Variants in TRIP12 observed in about 807,000 individuals in gnomAD.
The protein encoded by TRIP12 is thyroid hormone receptor interactor 12, also known as E3 ubiquitin-protein ligase TRIP12.
TRIP12 carries 25 observed loss-of-function variants against 244.2 expected under a neutral mutation model. The observed-to-expected ratio is 0.10, with a 90% CI of 0.07 to 0.14. The LOEUF is 0.14. Ranked by LOEUF, TRIP12 falls within the 10% of genes least tolerant of loss-of-function variation. The pLI is 1.00. For missense variants in TRIP12, 1,677 were observed against 2,486.4 expected, an observed-to-expected ratio of 0.67 and a Z score of 6.92; for synonymous variants, 905 against 873.1, an observed-to-expected ratio of 1.04 and a Z score of -0.64.
intron 34 of TRIP12, 128 bp from the exon 35 acceptor site, chr2:229,779,118 T>C (rs2037237155): frequency 1.4e-6 from 1 of 730,262 alleles, no homozygotes; most frequent in Admixed American, 2.7e-5. Context: ...TTTTCCAAAA[T>C]GTCCTGGCTG....
At position 229,796,764 on chromosome 2, in the gene TRIP12, A is replaced by G. The variant is rs1180835627; in HGVS notation, c.3643T>C (p.Cys1215Arg). Reference protein sequence around the residue: ...LNLQVDGGAECLVEIRSIVSE... With the variant: ...LNLQVDGGAERLVEIRSIVSE... ...ACTATGCTACGGATTTCTACAAGGC[A>G]CTCAGCTCCACCATCCACCTGAAAG... The change falls in exon 25 of 42, where the codon TGC becomes CGC. Residue 1215 changes from cysteine to arginine, a missense_variant. By Grantham distance (180) the Cys-to-Arg change is radical. Around this residue, in one of 11 missense-constraint regions of TRIP12, gnomAD observed 572 missense variants for 867.8 expected, o/e 0.66. Transcript: ENST00000675903. 6.3e-7 allele frequency: 1 copy of G among 1,586,154 alleles called. No individual in the cohort carries two copies. Among genetic ancestry groups the G allele is most frequent in the Admixed American group, 1.9e-5 (1 of 52,482 alleles).
intron 1 of TRIP12, among the ~76,000 whole-genome samples, chr2:229,885,257 G>T (rs890938049): frequency 5.3e-5 from 8 of 152,114 alleles, no homozygotes; most frequent in African/African-American, 1.9e-4. Flanking sequence ...GACTTATTTA[G>T]ATTTGGTCCT....
chr2:229,873,958 A>C (rs1397769725), intron 2 of TRIP12, among the ~76,000 whole-genome samples: 1 of 152,104 alleles, frequency 6.6e-6, no homozygotes, highest in Non-Finnish European at 1.5e-5. Flanking sequence ...GGAAAAATTT[A>C]TTCTTAGCAT....
At chr2:229,786,015 T>C (rs1446041141) in intron 33 of TRIP12, among the ~76,000 whole-genome samples, 160 bp from the exon 34 acceptor site, 2 of 152,228 alleles carry the variant, frequency 1.3e-5, no homozygotes, top group Non-Finnish European at 2.9e-5. Context: ...GGTAGCTGTA[T>C]TGCTACAAAT....
At chr2:229,860,919 G>A (rs773687145) in intron 2 of TRIP12, among the ~76,000 whole-genome samples, 1 of 152,112 alleles carries the variant, frequency 6.6e-6, no homozygotes, top group Non-Finnish European at 1.5e-5. Context: ...TGACTGTAAT[G>A]GCTTTAAAAG....
chr2:229,802,209 C>A (rs180807026), intron 21 of TRIP12, 43 bp downstream of exon 21: 1 of 1,518,408 alleles, frequency 6.6e-7, no homozygotes, highest in Admixed American at 1.9e-5. Flanking sequence ...CAAAGCAGCG[C>A]TAACAGCAAA....
intron 1 of TRIP12, among the ~76,000 whole-genome samples, chr2:229,907,087 C>G (rs1445277686): frequency 6.6e-6 from 1 of 152,130 alleles, no homozygotes; most frequent in Non-Finnish European, 1.5e-5. Context: ...ATTAAATTTA[C>G]TCAAAACCTA....
chr2:229,827,195 G>A lies in TRIP12; in HGVS notation c.1450+1998C>T, dbSNP rs185905696. On this transcript the variant is annotated intron_variant, in intron 8 of 41. Transcript: ENST00000675903. ...CTGGGGAGGCTGAAGCAGGAGAATC[G>A]CTTGAACCTGGGAGGAGTAGGTTGC... is the stretch of plus-strand genomic sequence containing the variant. 5.7e-3 allele frequency among the ~76,000 whole-genome samples: 861 copies of A among 151,710 alleles called. 13 individuals are homozygous for A. Among genetic ancestry groups the A allele is most frequent in the Non-Finnish European group, 4.6e-3 (312 of 67,916 alleles).
At chr2:229,922,360 T>TA, upstream of TRIP12, 1 of 717,314 alleles carries the variant, frequency 1.4e-6, no homozygotes, top group Non-Finnish European at 2.3e-6. Flanking sequence ...CAGGGTTCCC[T>TA]AAGACCCTTG....
chr2:229,897,192 T>C (rs76764603), intron 1 of TRIP12, among the ~76,000 whole-genome samples: 31 of 152,292 alleles, frequency 2.0e-4, no homozygotes, highest in African/African-American at 7.5e-4. Flanking sequence ...AGTACCTCCA[T>C]AGTGAAAAAG....
intron 6 of TRIP12, among the ~76,000 whole-genome samples, chr2:229,836,583 C>A (rs1390453732): frequency 1.3e-5 from 2 of 152,076 alleles, no homozygotes; most frequent in Non-Finnish European, 1.5e-5. Flanking sequence ...AATCAATGGG[C>A]AATTATACAC....
At position 229,859,249 on chromosome 2, in the gene TRIP12, C is replaced by T; in HGVS notation, c.550G>A (p.Gly184Ser). ...KAHTRKSGAT[G>S]GSRSQKRKRT... ...TTTCTTTTCTGACTCCGTGAACCGC[C>T]AGTGGCCCCACTCTTCCTGGTATGA... is the stretch of plus-strand genomic sequence containing the variant. The change falls in exon 4 of 42, where the codon GGC (glycine) becomes AGC (serine). Residue 184 changes from glycine to serine, a missense_variant. By Grantham distance (56) the Gly-to-Ser change is moderately conservative. Coordinates refer to ENST00000675903, the MANE Select transcript of TRIP12 (RefSeq NM_001348323.3). 1 of 1,614,194 alleles carries T rather than the reference C, an allele frequency of 6.2e-7. No individual in the cohort carries two copies. The highest frequency in any genetic ancestry group is 8.5e-7 in the Non-Finnish European group (1 of 1,180,032).
At chr2:229,847,098 G>C (rs1005548405) in intron 4 of TRIP12, among the ~76,000 whole-genome samples, 2 of 152,138 alleles carry the variant, frequency 1.3e-5, no homozygotes, top group African/African-American at 4.8e-5. Context: ...TATCTAAAAA[G>C]AATATAACCA....
chr2:229,849,169 G>A (rs1402903418), intron 4 of TRIP12, among the ~76,000 whole-genome samples: 2 of 152,174 alleles, frequency 1.3e-5, no homozygotes, highest in African/African-American at 4.8e-5. Context: ...TAAGGAATGT[G>A]GAGTTTGAGT....
intron 1 of TRIP12, among the ~76,000 whole-genome samples, chr2:229,881,169 T>C (rs1029271953): frequency 6.6e-6 from 1 of 152,192 alleles, no homozygotes; most frequent in Non-Finnish European, 1.5e-5. Context: ...CAACAAGAAA[T>C]TGCGAAAGTA....
intron 37 of TRIP12, among the ~76,000 whole-genome samples, chr2:229,776,626 C>T (rs560930741): frequency 6.6e-6 from 1 of 152,286 alleles, no homozygotes; most frequent in African/African-American, 2.4e-5. Flanking sequence ...GCTATTCTTA[C>T]TTAATTTATA....
intron 4 of TRIP12, among the ~76,000 whole-genome samples, chr2:229,853,308 G>C (rs1184068242): frequency 6.6e-6 from 1 of 151,870 alleles, no homozygotes; most frequent in Non-Finnish European, 1.5e-5. Context: ...GTATTAATCA[G>C]AAGCCCATCT....
At chr2:229,804,527 A>C (rs1389505251) in intron 18 of TRIP12, among the ~76,000 whole-genome samples, 1 of 152,204 alleles carries the variant, frequency 6.6e-6, no homozygotes, top group Non-Finnish European at 1.5e-5. Context: ...TCAATGAAAC[A>C]ATAGGGAAAT....
intron 39 of TRIP12, 41 bp from the exon 40 acceptor site, chr2:229,769,366 C>T (rs1328257688): frequency 2.5e-6 from 4 of 1,589,160 alleles, no homozygotes; most frequent in African/African-American, 1.4e-5. Flanking sequence ...ACTAAGGAAA[C>T]ATTTGTTTAC....
Sources: allele counts gnomAD v4.1 joint callset (sites outside exome capture counted in the v4.1 genomes callset), GRCh38; gene constraint gnomAD v4.1.1; regional missense constraint gnomAD v4.1.1; transcripts MANE v1.5; gene names NCBI Gene and HGNC (gene_info 2026-07-23, HGNC 2026-07-21).